LIPI: variants seen among roughly 807,000 people sequenced by gnomAD.
LIPI encodes the protein lipase I.
Under a neutral mutation model 50.6 loss-of-function variants are expected in LIPI, and 59 were observed. The observed-to-expected ratio is 1.16, with a 90% CI of 0.94 to 1.45. The LOEUF is 1.45. Among genes scored for constraint, LIPI ranks in the 40% most tolerant of loss-of-function variants. The probability of loss-of-function intolerance (pLI) is 0.00; values close to 1 mark genes in which losing one functional copy is unlikely to be tolerated. For missense variants in LIPI, 586 were observed against 536.3 expected (o/e 1.09, Z -0.92); for synonymous variants, 203 against 178.2 (o/e 1.14, Z -1.11).
chr21:14,121,653 C>T (rs982936672), intron 9 of LIPI, among the ~76,000 whole-genome samples: 4 of 152,274 alleles, frequency 2.6e-5, no homozygotes, highest in Non-Finnish European at 5.9e-5. Flanking sequence ...CACCCTCGGG[C>T]CCTTATGGGA....
chr21:14,125,808 G>A lies in LIPI; in HGVS notation c.1296-16728C>T, dbSNP rs149095878. 5.8e-3 allele frequency among the ~76,000 whole-genome samples: 880 copies of A among 152,098 alleles called. 15 individuals are homozygous for A. The highest frequency in any genetic ancestry group is 0.02 in the African/African-American group (832 of 41,478). ...CTGACCTCGTGATCCGCCCGCCTCCGCCTCCCAAAGTGCTGGGTTAACAGA... is the reference window on the plus strand; with the variant it reads ...CTGACCTCGTGATCCGCCCGCCTCCACCTCCCAAAGTGCTGGGTTAACAGA... On this transcript the variant is annotated intron_variant, in intron 9 of 9. Transcript: ENST00000681601.
chr21:14,173,397 G>A (rs1405291986), intron 4 of LIPI, among the ~76,000 whole-genome samples: 2 of 152,178 alleles, frequency 1.3e-5, no homozygotes, highest in East Asian at 1.9e-4. Context: ...TTGATTCAAG[G>A]GTTTATGTAG....
chr21:14,175,232 G>C (rs1414788066), intron 4 of LIPI, among the ~76,000 whole-genome samples: 1 of 152,124 alleles, frequency 6.6e-6, no homozygotes, highest in East Asian at 1.9e-4. Flanking sequence ...GAGTATCTTT[G>C]ATTTTAATAA....
At chr21:14,110,662 A>G (rs1002549048) in intron 9 of LIPI, among the ~76,000 whole-genome samples, 2 of 151,668 alleles carry the variant, frequency 1.3e-5, no homozygotes, top group African/African-American at 2.4e-5. Context: ...TCTGGTAACC[A>G]TGGTTCTACT....
At position 14,165,221 on chromosome 21, in the gene LIPI, A is replaced by T. The variant is rs770611225; in HGVS notation, c.901+2T>A. On this transcript the variant is annotated splice_donor_variant, in intron 6 of 9. Coordinates refer to ENST00000681601, the MANE Select transcript of LIPI (RefSeq NM_001302998.2). LOFTEE classifies it high-confidence loss of function. ...GATAGTAACTATAATAATCTCTCTT[A>T]CCCAGCCGAGGACATGATTTTTCCT... The T allele has an allele frequency of 1.9e-6, 3 of 1,598,196 alleles. No homozygotes were observed. The highest frequency in any genetic ancestry group is 3.4e-4 in the Middle Eastern group (2 of 5,966).
intron 4 of LIPI, among the ~76,000 whole-genome samples, chr21:14,178,969 G>A (rs565125158): frequency 4.6e-5 from 7 of 152,218 alleles, no homozygotes; most frequent in East Asian, 1.9e-4. Flanking sequence ...CTCAGATAAC[G>A]AGAAGCTTTC....
At chr21:14,143,354 G>T (rs2017782467) in intron 9 of LIPI, among the ~76,000 whole-genome samples, 1 of 151,932 alleles carries the variant, frequency 6.6e-6, no homozygotes, top group Admixed American at 6.6e-5. Flanking sequence ...CTAGATTTTT[G>T]CCATTATAGC....
At chr21:14,170,973 C>T (rs970091483) in intron 4 of LIPI, among the ~76,000 whole-genome samples, 129 of 151,888 alleles carry the variant, frequency 8.5e-4, no homozygotes, top group African/African-American at 3.0e-3. Flanking sequence ...ACCCCATTTT[C>T]TCAGCCCAAA....
At chr21:14,127,998 T>G (rs911313556) in intron 9 of LIPI, among the ~76,000 whole-genome samples, 6 of 152,002 alleles carry the variant, frequency 3.9e-5, no homozygotes, top group Non-Finnish European at 8.8e-5. Flanking sequence ...AAGTAGCCAT[T>G]AACTTAGGGA....
intron 1 of LIPI, among the ~76,000 whole-genome samples, chr21:14,191,644 G>A (rs2019681458): frequency 6.6e-6 from 1 of 151,974 alleles, no homozygotes; most frequent in African/African-American, 2.4e-5. Context: ...TGCAATAATG[G>A]CACCAATTCA....
rs537020952 is a variant in LIPI at position 14,184,346 on chromosome 21, G to T, written c.541+1615C>A. ...TGTTGTGGGGTGGGGGAAGTGGGGA[G>T]GGATAGCATTAGGCGATATACCTAA... On this transcript the variant is annotated intron_variant, in intron 3 of 9. Transcript: ENST00000681601. 6.0e-3 allele frequency among the ~76,000 whole-genome samples: 911 copies of T among 152,198 alleles called. 12 individuals are homozygous for T. Among genetic ancestry groups the T allele is most frequent in the Non-Finnish European group, 7.5e-3 (513 of 68,016 alleles).
chr21:14,172,702 T>C (rs1248598344), intron 4 of LIPI, among the ~76,000 whole-genome samples: 2 of 149,764 alleles, frequency 1.3e-5, no homozygotes, highest in Non-Finnish European at 3.0e-5. Flanking sequence ...AACATCACAC[T>C]CTGGGGACTG....
At chr21:14,133,362 C>T (rs1319360237) in intron 9 of LIPI, among the ~76,000 whole-genome samples, 2 of 152,156 alleles carry the variant, frequency 1.3e-5, no homozygotes, top group Non-Finnish European at 2.9e-5. Context: ...TGACATATCA[C>T]ATAAGCAGAA....
chr21:14,111,032 A>C (rs2016391583), intron 9 of LIPI, among the ~76,000 whole-genome samples: 1 of 151,362 alleles, frequency 6.6e-6, no homozygotes, highest in Admixed American at 6.6e-5. Flanking sequence ...TATAGTGACT[A>C]ATGCTGTAAT....
intron 1 of LIPI, among the ~76,000 whole-genome samples, chr21:14,191,277 T>C (rs1418013820): frequency 4.1e-5 from 6 of 147,732 alleles, no homozygotes; most frequent in Non-Finnish European, 7.5e-5. Context: ...CTTGGGAGGC[T>C]GAGGCAGGAG....
chr21:14,158,687 T>C (rs13046585), intron 7 of LIPI, among the ~76,000 whole-genome samples: 108,930 of 148,952 alleles, frequency 0.73, 40,011 homozygotes, highest in Middle Eastern at 0.89. Context: ...CAGAACATGA[T>C]AGAAAATTAA....
At chr21:14,188,188 A>G (rs2019521347) in intron 2 of LIPI, among the ~76,000 whole-genome samples, 1 of 152,198 alleles carries the variant, frequency 6.6e-6, no homozygotes, top group Non-Finnish European at 1.5e-5. Flanking sequence ...CACAGTGCAG[A>G]TAACATAGAA....
chr21:14,191,372 G>T lies in LIPI; in HGVS notation c.47-1953C>A, dbSNP rs937351762. On this transcript the variant is annotated intron_variant, in intron 1 of 9. Transcript: ENST00000681601. The stretch of plus-strand genomic sequence containing the variant: ...AGCCTGGGCGACAGAGCAAGACTCC[G>T]TCTCAAAAAAAAAAAAAAAAAGAAA... Among the ~76,000 whole-genome samples, 32 of 105,538 alleles carry T rather than the reference G, an allele frequency of 3.0e-4. No homozygotes were observed. In the East Asian group the frequency reaches 3.6e-3, roughly 12 times the overall value. 69.2% of individuals were successfully genotyped at this position (105,538 alleles called of 152,430 possible).
chr21:14,190,659 C>T (rs1312785450), intron 1 of LIPI, among the ~76,000 whole-genome samples: 2 of 152,094 alleles, frequency 1.3e-5, no homozygotes, highest in African/African-American at 4.8e-5. Context: ...ACTTGCATTC[C>T]ATTCCTATAT....
Sources: allele counts gnomAD v4.1 joint callset (sites outside exome capture counted in the v4.1 genomes callset), GRCh38; gene constraint gnomAD v4.1.1; transcripts MANE v1.5; gene names NCBI Gene and HGNC (gene_info 2026-07-23, HGNC 2026-07-21).